Variants in KCNB2 observed in about 807,000 individuals in gnomAD.
KCNB2 encodes delayed rectifier potassium channel protein.
KCNB2 carries 15 observed loss-of-function variants against 61.5 expected under a neutral mutation model. The observed-to-expected ratio is 0.24, with a 90% confidence interval of 0.16 to 0.38. KCNB2 has a LOEUF of 0.38. Ranked by LOEUF, KCNB2 falls within the 10% of genes least tolerant of loss-of-function variation. The pLI is 1.00. For synonymous variants in KCNB2, 457 were observed against 446.0 expected (o/e 1.02, Z -0.31); for missense variants, 828 against 1,125.2 (o/e 0.74, Z 3.78).
chr8:72,915,642 G>A (rs951775319), intron 2 of KCNB2, among the ~76,000 whole-genome samples: 45 of 152,108 alleles, frequency 3.0e-4, no homozygotes, highest in African/African-American at 1.0e-3. Context: ...ATCTGCTGCC[G>A]GGCACGGTGG....
intron 2 of KCNB2, among the ~76,000 whole-genome samples, chr8:72,856,254 T>C (rs1810205525): frequency 6.6e-6 from 1 of 152,126 alleles, no homozygotes; most frequent in Non-Finnish European, 1.5e-5. Flanking sequence ...ATATAATCAA[T>C]ATGAAAATTA....
intron 2 of KCNB2, among the ~76,000 whole-genome samples, chr8:72,918,691 A>G (rs896492343): frequency 6.6e-6 from 1 of 152,196 alleles, no homozygotes; most frequent in African/African-American, 2.4e-5. Flanking sequence ...TATTACTCCA[A>G]TAGTAGGAGA....
chr8:72,678,197 T>A (rs562775364), intron 2 of KCNB2, among the ~76,000 whole-genome samples: 2 of 152,334 alleles, frequency 1.3e-5, no homozygotes, highest in African/African-American at 4.8e-5. Context: ...CTGCTGCCTG[T>A]CTATGCCACC....
rs571663741 is a variant in KCNB2, at chr8:72,853,675, A to G, written c.580-82260A>G. The stretch of plus-strand genomic sequence containing the variant: ...GCTTTTGTAACCTGAAAAGAATTAA[A>G]CAAATGTTAGCCATCTTCAATGTTA... On this transcript the variant is annotated intron_variant, in intron 2 of 2. Coordinates refer to ENST00000523207, the MANE Select transcript of KCNB2 (RefSeq NM_004770.3). Among the ~76,000 whole-genome samples the G allele has an allele frequency of 5.3e-5, 8 of 152,342 alleles. No homozygotes were observed. The East Asian group carries it at 1.4e-3, about 26-fold the overall frequency.
intron 2 of KCNB2, among the ~76,000 whole-genome samples, chr8:72,573,219 T>C (rs569444980): frequency 2.8e-4 from 42 of 152,312 alleles, no homozygotes; most frequent in African/African-American, 9.4e-4. Context: ...AAAAAATACA[T>C]AACATTCTCA....
At chr8:72,828,294 T>C (rs972695082) in intron 2 of KCNB2, among the ~76,000 whole-genome samples, 7 of 152,240 alleles carry the variant, frequency 4.6e-5, no homozygotes, top group African/African-American at 1.4e-4. Flanking sequence ...TTCTGTTTCA[T>C]CTAATGTCCT....
At chr8:72,927,024 G>T (rs1262317130) in intron 2 of KCNB2, among the ~76,000 whole-genome samples, 6 of 152,172 alleles carry the variant, frequency 3.9e-5, no homozygotes, top group East Asian at 3.8e-4. Flanking sequence ...AACACAGATT[G>T]CTGGGACTTT....
chr8:72,817,789 T>C (rs1297485545), intron 2 of KCNB2, among the ~76,000 whole-genome samples: 1 of 152,172 alleles, frequency 6.6e-6, no homozygotes, highest in African/African-American at 2.4e-5. Context: ...GGCAATGGCT[T>C]GCAATTCTCT....
At chr8:72,845,240 C>G (rs1809967514) in intron 2 of KCNB2, among the ~76,000 whole-genome samples, 1 of 152,184 alleles carries the variant, frequency 6.6e-6, no homozygotes, top group Non-Finnish European at 1.5e-5. Flanking sequence ...ACTCCAGACC[C>G]CATTTGCCTG....
At chr8:72,589,162 C>T (rs368466089) in intron 2 of KCNB2, among the ~76,000 whole-genome samples, 7 of 152,160 alleles carry the variant, frequency 4.6e-5, no homozygotes, top group Non-Finnish European at 8.8e-5. Context: ...TTCTTATAGA[C>T]CAAAACAGTA....
chr8:72,915,070 A>G (rs1432554949), intron 2 of KCNB2, among the ~76,000 whole-genome samples: 2 of 151,710 alleles, frequency 1.3e-5, no homozygotes, highest in Admixed American at 1.3e-4. Context: ...ATGCCCCGCT[A>G]ATTTTTTTTG....
intron 2 of KCNB2, among the ~76,000 whole-genome samples, chr8:72,791,803 C>T (rs975365178): frequency 6.6e-6 from 1 of 152,092 alleles, no homozygotes; most frequent in Non-Finnish European, 1.5e-5. Context: ...CAAAACTGAT[C>T]CAAGCACCTT....
At chr8:72,608,196 G>A (rs1762580009) in intron 2 of KCNB2, among the ~76,000 whole-genome samples, 1 of 152,156 alleles carries the variant, frequency 6.6e-6, no homozygotes, top group Admixed American at 6.6e-5. Context: ...AGTCTGCTTT[G>A]TGCACATCTG....
intron 2 of KCNB2, among the ~76,000 whole-genome samples, chr8:72,851,840 A>AAAAAAAAACAAAAC (rs1810120838): frequency 7.4e-6 from 1 of 134,462 alleles, no homozygotes; most frequent in African/African-American, 3.0e-5. Flanking sequence ...AAAAAAAAAA[A>AAAAAAAAACAAAAC]AAAAAAAACA....
intron 2 of KCNB2, among the ~76,000 whole-genome samples, chr8:72,817,312 C>T (rs945591132): frequency 5.3e-5 from 8 of 152,226 alleles, no homozygotes; most frequent in South Asian, 2.1e-4. Flanking sequence ...ACCCCCTCAC[C>T]GAGCAGGTTC....
At position 72,568,261 on chromosome 8, in the gene KCNB2, G is replaced by C; in HGVS notation, c.527G>C (p.Arg176Thr). 1 of 1,613,542 alleles carries C rather than the reference G, an allele frequency of 6.2e-7. No homozygotes were observed. The highest frequency in any genetic ancestry group is 1.3e-5 in the African/African-American group (1 of 74,922). ...GATAATACCTGCTGCCCTGATAAAA[G>C]GAAGAAACTGTGGGACTTGCTGGAG... ...EFDNTCCPDKRKKLWDLLEKP... is the reference protein window; with the variant it reads ...EFDNTCCPDKTKKLWDLLEKP... The change falls in exon 2 of 3, where the codon AGG becomes ACG. Residue 176 changes from arginine to threonine, a missense_variant. Arg to Thr is a moderately conservative substitution (Grantham distance 71). Around this residue, in one of 4 missense-constraint regions of KCNB2, gnomAD observed 163 missense variants for 314.4 expected, o/e 0.52. Transcript: ENST00000523207.
intron 2 of KCNB2, among the ~76,000 whole-genome samples, chr8:72,771,959 T>A (rs1410979989): frequency 6.6e-6 from 1 of 152,152 alleles, no homozygotes; most frequent in Admixed American, 6.5e-5. Context: ...CACAGAGTGC[T>A]GGCCCAGAGG....
intron 2 of KCNB2, among the ~76,000 whole-genome samples, chr8:72,725,602 T>C (rs1182406325): frequency 2.6e-5 from 2 of 75,856 alleles, no homozygotes; most frequent in African/African-American, 8.1e-5. Context: ...TATATATATA[T>C]ATATATATAT....
chr8:72,818,994 T>A (rs147936251), intron 2 of KCNB2, among the ~76,000 whole-genome samples: 1 of 152,142 alleles, frequency 6.6e-6, no homozygotes, highest in African/African-American at 2.4e-5. Flanking sequence ...CATTATTTAT[T>A]TGTAGAATAG....
Sources: gnomAD v4.1 joint callset for allele counts (sites outside exome capture counted in the v4.1 genomes callset) on GRCh38, gnomAD v4.1.1 for gene constraint, gnomAD v4.1.1 regional missense constraint, MANE v1.5 for transcripts, NCBI Gene and HGNC (gene_info 2026-07-23, HGNC 2026-07-21) for gene names.